The following GRIA3 variants were observed in gnomAD, a reference collection of about 807,000 sequenced individuals.
GRIA3 encodes glutamate ionotropic receptor AMPA type subunit 3, also known as glutamate receptor 3.
Under a neutral mutation model 63.0 loss-of-function variants are expected in GRIA3, and 3 were observed. That is an observed-to-expected ratio of 0.05 (90% CI 0.02 to 0.12). GRIA3 has a LOEUF of 0.12. Among genes scored for constraint, GRIA3 ranks in the 10% least tolerant of loss-of-function variants. The pLI is 1.00. For synonymous variants in GRIA3, 274 were observed against 257.9 expected (o/e 1.06, Z -0.60); for missense variants, 347 against 700.9 (o/e 0.50, Z 5.70).
Position 123,421,829 on chromosome X carries a change from A to T in GRIA3, c.1877+4051A>T, listed in dbSNP as rs913256238. ...TTATTTTTAAGTTGAAGAAGGTGAT[A>T]GTCAGATTAAATAATTTGCCCAGCC... On this transcript the variant is annotated intron_variant, in intron 11 of 15. Transcript: ENST00000620443. Among the ~76,000 whole-genome samples, 4 of 111,882 alleles carry T rather than the reference A, an allele frequency of 3.6e-5. No homozygotes were observed. In the Admixed American group the frequency reaches 3.8e-4, roughly 11 times the overall value.
chrX:123,456,294 C>T (rs1305935772), intron 12 of GRIA3, among the ~76,000 whole-genome samples: 3 of 111,105 alleles, frequency 2.7e-5, no homozygotes, highest in Non-Finnish European at 5.7e-5. Flanking sequence ...TGTGTTAAAT[C>T]ACCCTGGCAC....
At chrX:123,243,820 C>G (rs1282284168) in intron 2 of GRIA3, among the ~76,000 whole-genome samples, 1 of 111,410 alleles carries the variant, frequency 9.0e-6, no homozygotes, top group Non-Finnish European at 1.9e-5. Context: ...AATGAATAAG[C>G]AAAAAATTAA....
intron 10 of GRIA3, among the ~76,000 whole-genome samples, chrX:123,416,705 T>C (rs2045538178): frequency 8.8e-6 from 1 of 113,066 alleles, no homozygotes; most frequent in Non-Finnish European, 1.9e-5. Context: ...TGTTTTACCC[T>C]TGTTATTGCC....
intron 2 of GRIA3, among the ~76,000 whole-genome samples, chrX:123,193,562 G>A (rs1227747188): frequency 5.3e-5 from 6 of 112,152 alleles, no homozygotes; most frequent in African/African-American, 1.9e-4. Flanking sequence ...GGGAAGTAAT[G>A]TCACTTTCTA....
intron 3 of GRIA3, among the ~76,000 whole-genome samples, chrX:123,297,316 T>TCTATC (rs937193842): frequency 8.9e-5 from 10 of 112,090 alleles, no homozygotes; most frequent in African/African-American, 3.2e-4. Context: ...CCCTATGGGT[T>TCTATC]TATTAGGCAC....
chrX:123,230,537 G>A (rs937059373), intron 2 of GRIA3, among the ~76,000 whole-genome samples: 1 of 111,385 alleles, frequency 9.0e-6, no homozygotes, highest in African/African-American at 3.3e-5. Context: ...TGGGCATATA[G>A]GAGCATTTTG....
At position 123,184,413 on chromosome X, in the gene GRIA3, T is replaced by C; in HGVS notation, c.-123T>C. On this transcript the variant is annotated 5_prime_UTR_variant, in exon 1 of 16. Coordinates refer to ENST00000620443, the MANE Select transcript of GRIA3 (RefSeq NM_007325.5). ...ACTAGTGTGGGGTGGAAAGGAAGAG[T>C]GAGCGAGAGCAAGTTAAGGGGAGGG... The C allele has an allele frequency of 1.7e-6, 1 of 573,705 alleles. No individual in the cohort carries two copies. The allele number at this position is 573,705 out of a possible 1,213,427, so 47.3% of individuals were successfully genotyped here.
intron 3 of GRIA3, among the ~76,000 whole-genome samples, chrX:123,290,422 C>G (rs2044648451): frequency 9.0e-6 from 1 of 111,395 alleles, no homozygotes; most frequent in African/African-American, 3.3e-5. Context: ...AGTAGATTAA[C>G]TAATGAAGGT....
intron 2 of GRIA3, among the ~76,000 whole-genome samples, chrX:123,193,884 C>A (rs1927505582): frequency 9.0e-6 from 1 of 110,894 alleles, no homozygotes; most frequent in African/African-American, 3.3e-5. Context: ...GGTAAATGAC[C>A]CAGAACAAGA....
At chrX:123,237,071 C>G (rs2044305850) in intron 2 of GRIA3, among the ~76,000 whole-genome samples, 1 of 111,718 alleles carries the variant, frequency 9.0e-6, no homozygotes. Flanking sequence ...AAATGCTCCA[C>G]AGAGCAGGGA....
chrX:123,353,052 C>CAA (rs1308853883), intron 4 of GRIA3, among the ~76,000 whole-genome samples: 3 of 108,318 alleles, frequency 2.8e-5, no homozygotes, highest in Non-Finnish European at 3.8e-5. Context: ...CACACACACA[C>CAA]ACAAACACAC....
At chrX:123,293,964 T>A (rs1429503551) in intron 3 of GRIA3, among the ~76,000 whole-genome samples, 2 of 109,869 alleles carry the variant, frequency 1.8e-5, no homozygotes, top group Non-Finnish European at 3.8e-5. Flanking sequence ...CATCATTTGC[T>A]CTCCAGATTT....
intron 2 of GRIA3, among the ~76,000 whole-genome samples, chrX:123,188,409 A>G (rs1357579763): frequency 2.7e-5 from 3 of 111,138 alleles, no homozygotes; most frequent in African/African-American, 6.6e-5. Context: ...TCTCATTTCT[A>G]CCCCTGGCTT....
At chrX:123,244,474 G>A (rs1014784300) in intron 2 of GRIA3, among the ~76,000 whole-genome samples, 1 of 112,652 alleles carries the variant, frequency 8.9e-6, no homozygotes, top group Non-Finnish European at 1.9e-5. Context: ...CTGTATGGTA[G>A]GCTTGGAAGA....
At chrX:123,249,161 C>T (rs146924392) in intron 2 of GRIA3, among the ~76,000 whole-genome samples, 1 of 111,949 alleles carries the variant, frequency 8.9e-6, no homozygotes, top group African/African-American at 3.3e-5. Flanking sequence ...GTAAGACACT[C>T]CCTCCCTTTG....
intron 15 of GRIA3, among the ~76,000 whole-genome samples, chrX:123,483,590 T>C (rs1363742775): frequency 1.8e-5 from 2 of 112,353 alleles, no homozygotes; most frequent in Non-Finnish European, 3.8e-5. Context: ...CCAGTGGTTA[T>C]TGTATTGGAC....
At chrX:123,202,794 T>C (rs1211656062) in intron 2 of GRIA3, 11 of 1,156,961 alleles carry the variant, frequency 9.5e-6, no homozygotes, top group Non-Finnish European at 1.3e-5. Context: ...TAAGTGCCCA[T>C]AGTTTGAAAT....
chrX:123,420,435 G>A (rs917350026), intron 11 of GRIA3, among the ~76,000 whole-genome samples: 1 of 110,989 alleles, frequency 9.0e-6, no homozygotes, highest in African/African-American at 3.3e-5. Context: ...TGCTTAGAAT[G>A]TATGTCATTT....
chrX:123,331,687 G>A (rs1370030308), intron 4 of GRIA3, among the ~76,000 whole-genome samples: 1 of 111,726 alleles, frequency 9.0e-6, no homozygotes, highest in Admixed American at 9.5e-5. Context: ...CCAAAAGACA[G>A]TTTGGGTTAG....
Sources: gnomAD v4.1 joint callset for allele counts (sites outside exome capture counted in the v4.1 genomes callset) on GRCh38, gnomAD v4.1.1 for gene constraint, MANE v1.5 for transcripts, NCBI Gene and HGNC (gene_info 2026-07-23, HGNC 2026-07-21) for gene names.